The following NTNG1 variants were observed in gnomAD, a reference collection of about 807,000 sequenced individuals.
NTNG1 encodes netrin G1, also known as netrin-G1.
NTNG1 carries 16 observed loss-of-function variants against 54.0 expected under a neutral mutation model. The ratio of observed to expected loss-of-function variants is 0.30; its 90% CI spans 0.20 to 0.45. NTNG1 has a LOEUF of 0.45. NTNG1 is among the 20% of genes least tolerant of loss of function. The pLI is 1.00. For missense variants in NTNG1, 530 were observed against 678.7 expected, an observed-to-expected ratio of 0.78 and a Z score of 2.43; for synonymous variants, 255 against 263.1, an observed-to-expected ratio of 0.97 and a Z score of 0.30.
intron 3 of NTNG1, among the ~76,000 whole-genome samples, chr1:107,368,871 T>C (rs1421173351): frequency 6.6e-6 from 1 of 152,202 alleles, no homozygotes; most frequent in Non-Finnish European, 1.5e-5. Flanking sequence ...ATATTTGAAA[T>C]GTACAATTTG....
At chr1:107,412,593 C>A (rs1415723835) in intron 5 of NTNG1, among the ~76,000 whole-genome samples, 1 of 152,096 alleles carries the variant, frequency 6.6e-6, no homozygotes, top group Non-Finnish European at 1.5e-5. Flanking sequence ...ACCTGTTGAT[C>A]CCTAATTGAC....
chr1:107,464,368 T>A (rs1677468150), intron 7 of NTNG1, among the ~76,000 whole-genome samples: 1 of 152,130 alleles, frequency 6.6e-6, no homozygotes, highest in South Asian at 2.1e-4. Flanking sequence ...CTGAAACAGA[T>A]CCTGATAGGC....
intron 3 of NTNG1, among the ~76,000 whole-genome samples, chr1:107,337,162 C>T (rs1400763295): frequency 2.6e-5 from 4 of 151,974 alleles, no homozygotes; most frequent in African/African-American, 9.7e-5. Context: ...TTTGTACATC[C>T]TGTTCATAGC....
chr1:107,353,537 T>C (rs1368207015), intron 3 of NTNG1, among the ~76,000 whole-genome samples: 1 of 152,118 alleles, frequency 6.6e-6, no homozygotes. Flanking sequence ...TCACAACAGC[T>C]TAGCAAATCT....
intron 2 of NTNG1, among the ~76,000 whole-genome samples, chr1:107,277,798 A>C (rs1664579262): frequency 6.6e-6 from 1 of 152,232 alleles, no homozygotes; most frequent in Non-Finnish European, 1.5e-5. Context: ...AGAATAGAGC[A>C]TATCTAATTT....
Position 107,385,314 on chromosome 1 carries a change from C to G in NTNG1, c.888-9840C>G, listed in dbSNP as rs1671893820. Among the ~76,000 whole-genome samples the G allele has an allele frequency of 2.0e-5, 3 of 152,234 alleles. No individual in the cohort carries two copies. The South Asian group carries it at 6.2e-4, about 32-fold the overall frequency. On this transcript the variant is annotated intron_variant, in intron 3 of 7. Coordinates refer to ENST00000370068, the MANE Select transcript of NTNG1 (RefSeq NM_001113226.3). Reference sequence around the variant, plus strand: ...GTCCCCTCACCGCCACGCCACTACTCTCTGGTCTCTGCCATAGTCCATGTG... The same window carrying G: ...GTCCCCTCACCGCCACGCCACTACTGTCTGGTCTCTGCCATAGTCCATGTG...
chr1:107,191,271 G>T (rs1238528018), intron 2 of NTNG1, among the ~76,000 whole-genome samples: 1 of 151,728 alleles, frequency 6.6e-6, no homozygotes, highest in Admixed American at 6.6e-5. Flanking sequence ...TTTTGATGGG[G>T]TTGTTTGTTT....
chr1:107,163,017 C>T (rs192778820), intron 2 of NTNG1, among the ~76,000 whole-genome samples: 2 of 152,274 alleles, frequency 1.3e-5, no homozygotes, highest in Admixed American at 1.3e-4. Flanking sequence ...TACATTTAGA[C>T]TGACAAGGGA....
In NTNG1 at chr1:107,482,836, GA is replaced by G. The variant is rs1678810743; in HGVS notation, c.*1998del. ...TTGTTCCCAGAAAAGCCAATTCGAAGAAGGCAATAAAAGGTAAACAGGTAAT... is the reference window on the plus strand; with the variant it reads ...TTGTTCCCAGAAAAGCCAATTCGAAGAGGCAATAAAAGGTAAACAGGTAAT... On this transcript the variant is annotated 3_prime_UTR_variant, in exon 8 of 8. Transcript: ENST00000370068. 1 of 152,180 alleles carries G rather than the reference GA, an allele frequency of 6.6e-6. No homozygotes were observed. Among genetic ancestry groups the G allele is most frequent in the Non-Finnish European group, 1.5e-5 (1 of 68,036 alleles). The allele number at this position is 152,180 out of a possible 1,614,324, so 9.4% of individuals were successfully genotyped here.
intron 3 of NTNG1, among the ~76,000 whole-genome samples, chr1:107,375,777 G>A (rs1671197091): frequency 6.6e-6 from 1 of 152,198 alleles, no homozygotes; most frequent in African/African-American, 2.4e-5. Flanking sequence ...CCAAGAGGAA[G>A]TAAATATGAA....
chr1:107,251,800 T>A (rs1662625852), intron 2 of NTNG1, among the ~76,000 whole-genome samples: 1 of 152,192 alleles, frequency 6.6e-6, no homozygotes, highest in Non-Finnish European at 1.5e-5. Context: ...ACCTCTCCAG[T>A]TTCTCCTCCC....
At position 107,481,595 on chromosome 1, in the gene NTNG1, T is replaced by A. The variant is rs796245707; in HGVS notation, c.*755T>A. 1.2e-4 allele frequency: 18 copies of A among 152,786 alleles called. No homozygotes were observed. Among genetic ancestry groups the A allele is most frequent in the African/African-American group, 4.3e-4 (18 of 41,574 alleles). The allele number at this position is 152,786 out of a possible 1,614,324, so 9.5% of individuals were successfully genotyped here. Reference sequence around the variant, plus strand: ...GTAATATGTAGATTTTTTGTATTATTGCCAATTTGTGTTACCAGACAATCT... The same window carrying A: ...GTAATATGTAGATTTTTTGTATTATAGCCAATTTGTGTTACCAGACAATCT... On this transcript the variant is annotated 3_prime_UTR_variant, in exon 8 of 8. Transcript: ENST00000370068.
intron 2 of NTNG1, among the ~76,000 whole-genome samples, chr1:107,213,896 C>T (rs940670137): frequency 2.0e-5 from 3 of 151,954 alleles, no homozygotes; most frequent in African/African-American, 4.8e-5. Context: ...ATATTTGTGC[C>T]TTTTGCCGTT....
intron 2 of NTNG1, among the ~76,000 whole-genome samples, chr1:107,242,483 A>G (rs1442798816): frequency 1.3e-5 from 2 of 152,196 alleles, no homozygotes; most frequent in African/African-American, 2.4e-5. Flanking sequence ...GTTGTATTAA[A>G]TAGTATAACA....
chr1:107,361,239 AAATT>A (rs1328312008), intron 3 of NTNG1, among the ~76,000 whole-genome samples: 3 of 140,178 alleles, frequency 2.1e-5, no homozygotes, highest in Non-Finnish European at 3.1e-5. Context: ...ATAAACATAT[AAATT>A]ATTATATAAA....
At chr1:107,479,737 A>G (rs1390702748) in intron 7 of NTNG1, among the ~76,000 whole-genome samples, 1 of 152,256 alleles carries the variant, frequency 6.6e-6, no homozygotes, top group Non-Finnish European at 1.5e-5. Context: ...AGAATTTTGA[A>G]GAAATAAGAA....
At chr1:107,318,561 C>T (rs148843673) in intron 2 of NTNG1, among the ~76,000 whole-genome samples, 2 of 151,876 alleles carry the variant, frequency 1.3e-5, no homozygotes, top group Middle Eastern at 3.4e-3. Context: ...AAATTTGTGC[C>T]GGTTTTGCTG....
intron 3 of NTNG1, among the ~76,000 whole-genome samples, chr1:107,367,104 C>A (rs1279883210): frequency 1.3e-5 from 2 of 151,530 alleles, no homozygotes; most frequent in Admixed American, 6.6e-5. Flanking sequence ...GTTTCTCTAG[C>A]ACACTATGGG....
chr1:107,441,488 T>A (rs1007094067), intron 7 of NTNG1, among the ~76,000 whole-genome samples: 8 of 152,100 alleles, frequency 5.3e-5, no homozygotes, highest in Non-Finnish European at 1.0e-4. Context: ...GCTAGAGCTG[T>A]AGGAAATAAA....
Sources: allele counts gnomAD v4.1 joint callset (sites outside exome capture counted in the v4.1 genomes callset), GRCh38; gene constraint gnomAD v4.1.1; transcripts MANE v1.5; gene names NCBI Gene and HGNC (gene_info 2026-07-23, HGNC 2026-07-21).